The following HTR1D variants were observed in gnomAD, a reference collection of about 807,000 sequenced individuals.
HTR1D encodes 5-hydroxytryptamine receptor 1D, also known as 5-HT-1D.
A neutral mutation model predicts 21.1 loss-of-function variants in HTR1D; 18 were observed. The observed-to-expected ratio is 0.85, with a 90% CI of 0.59 to 1.27. The LOEUF (loss-of-function observed/expected upper bound fraction) is 1.27. HTR1D is among the 50% of genes most tolerant of loss of function. The pLI is 0.00. For missense variants in HTR1D, 456 were observed against 481.4 expected, an observed-to-expected ratio of 0.95 and a Z score of 0.49; for synonymous variants, 196 against 204.4, an observed-to-expected ratio of 0.96 and a Z score of 0.35.
At position 23,202,073 on chromosome 1, in the gene HTR1D, TTTG is replaced by T. The variant is rs371581659; in HGVS notation, c.-782-7075_-782-7073del. On this transcript the variant is annotated intron_variant, in intron 1 of 1. Transcript: ENST00000374619. ...ATTTTTGTTTTATTTTTCGTGGTTTTTTGTTGTTGTTGTTGTTGTTTTGTTTGT... is the reference window on the plus strand; with the variant it reads ...ATTTTTGTTTTATTTTTCGTGGTTTTTTGTTGTTGTTGTTGTTTTGTTTGT... Among the ~76,000 whole-genome samples, 1,268 of 151,974 alleles carry T rather than the reference TTTG, an allele frequency of 8.3e-3. 18 individuals carry two copies. Among genetic ancestry groups the T allele is most frequent in the African/African-American group, 0.028 (1,166 of 41,460 alleles).
At chr1:23,211,478 C>T (rs629107) in intron 1 of HTR1D, among the ~76,000 whole-genome samples, 73,588 of 151,788 alleles carry the variant, frequency 0.48, 18,438 homozygotes, top group African/African-American at 0.61. Context: ...ACAAGTGAAA[C>T]TGAAATTTCA....
At chr1:23,215,056 G>C (rs1188032326) in intron 1 of HTR1D, among the ~76,000 whole-genome samples, 8 of 152,142 alleles carry the variant, frequency 5.3e-5, no homozygotes, top group Non-Finnish European at 1.2e-4. Flanking sequence ...AGTCACAGGG[G>C]CCCAGAGAAG....
intron 1 of HTR1D, among the ~76,000 whole-genome samples, chr1:23,203,398 G>A (rs1293620881): frequency 1.3e-5 from 2 of 152,118 alleles, no homozygotes; most frequent in Non-Finnish European, 2.9e-5. Flanking sequence ...GGTGGCTCAC[G>A]CCTGTAATCC....
chr1:23,202,981 C>A (rs1228414906), intron 1 of HTR1D, among the ~76,000 whole-genome samples: 2 of 151,990 alleles, frequency 1.3e-5, no homozygotes, highest in African/African-American at 4.8e-5. Flanking sequence ...GTGGGGCAAT[C>A]TCGGCTCAAT....
intron 1 of HTR1D, among the ~76,000 whole-genome samples, chr1:23,202,808 C>T (rs1355277645): frequency 6.6e-6 from 1 of 152,162 alleles, no homozygotes; most frequent in East Asian, 1.9e-4. Context: ...CATGGGACCT[C>T]CTACAGCCTC....
chr1:23,212,708 C>CT (rs1422587618), intron 1 of HTR1D, among the ~76,000 whole-genome samples: 1 of 152,160 alleles, frequency 6.6e-6, no homozygotes, highest in Non-Finnish European at 1.5e-5. Context: ...TTTCACCTTT[C>CT]TTTGACCCCT....
Position 23,194,549 on chromosome 1 carries a change from G to A in HTR1D, c.-330C>T, listed in dbSNP as rs112636810. The A allele has an allele frequency of 4.1e-4, 75 of 183,634 alleles. No individual in the cohort carries two copies. The highest frequency in any genetic ancestry group is 1.7e-3 in the African/African-American group (71 of 41,890). The allele number at this position is 183,634 out of a possible 1,614,324, so 11.4% of individuals were successfully genotyped here. ...GTCCTGGAACTTTTCCCAGCAGATG[G>A]TCATGCCCAGGGGACACATGCTGAA... On this transcript the variant is annotated 5_prime_UTR_variant, in exon 2 of 2. Transcript: ENST00000374619.
chr1:23,201,389 G>C (rs1303287711), intron 1 of HTR1D, among the ~76,000 whole-genome samples: 2 of 152,006 alleles, frequency 1.3e-5, no homozygotes, highest in Non-Finnish European at 2.9e-5. Flanking sequence ...AATGAAGGAG[G>C]CTTCCAGGCC....
chr1:23,212,370 T>A lies in HTR1D; in HGVS notation c.-783+4921A>T, dbSNP rs146125200. On this transcript the variant is annotated intron_variant, in intron 1 of 1. Coordinates refer to ENST00000374619, the MANE Select transcript of HTR1D (RefSeq NM_000864.5). Reference sequence around the variant, plus strand: ...TCATGCCATGAAGCCCAGTGCCCTGTGTGTGGGTGCCCATCCCTCTCACTT... The same window carrying A: ...TCATGCCATGAAGCCCAGTGCCCTGAGTGTGGGTGCCCATCCCTCTCACTT... Among the ~76,000 whole-genome samples the A allele has an allele frequency of 4.4e-3, 671 of 152,336 alleles. 7 individuals are homozygous for A. Among genetic ancestry groups the A allele is most frequent in the African/African-American group, 0.015 (610 of 41,578 alleles).
Position 23,194,285 on chromosome 1 carries a change from C to G in HTR1D, c.-66G>C. 3 of 1,450,848 alleles carry G rather than the reference C, an allele frequency of 2.1e-6. No individual in the cohort carries two copies. The Admixed American group carries it at 5.9e-5, about 29-fold the overall frequency. The allele number at this position is 1,450,848 out of a possible 1,614,324, so 89.9% of individuals were successfully genotyped here. On this transcript the variant is annotated 5_prime_UTR_variant, in exon 2 of 2. Transcript: ENST00000374619. ...GCTCCTTCCTTCAAGGTTGTCCTGA[C>G]AACAGAGCAAAGTCATCCTTCTGCT...
intron 1 of HTR1D, among the ~76,000 whole-genome samples, chr1:23,207,341 A>C (rs960075763): frequency 1.3e-5 from 2 of 152,078 alleles, no homozygotes; most frequent in Non-Finnish European, 2.9e-5. Flanking sequence ...CCCAGGAGGC[A>C]GAGGTTGCAG....
intron 1 of HTR1D, among the ~76,000 whole-genome samples, chr1:23,203,304 T>C (rs1644717011): frequency 2.0e-5 from 3 of 152,304 alleles, no homozygotes; most frequent in South Asian, 2.1e-4. Flanking sequence ...AGTTTTAAAA[T>C]CTAATCACTG....
At chr1:23,203,194 C>T (rs561139962) in intron 1 of HTR1D, among the ~76,000 whole-genome samples, 27 of 152,286 alleles carry the variant, frequency 1.8e-4, no homozygotes, top group African/African-American at 3.9e-4. Flanking sequence ...CCACCGCGCC[C>T]GGCCAAATCT....
chr1:23,193,540 C>T lies in HTR1D; in HGVS notation c.680G>A (p.Arg227His), dbSNP rs370958543. The change falls in exon 2 of 2, where the codon CGC becomes CAC. Residue 227 changes from arginine (R) to histidine (H), a missense_variant. Arg to His is a conservative substitution (Grantham distance 29). Coordinates refer to ENST00000374619, the MANE Select transcript of HTR1D (RefSeq NM_000864.5). ...ATAGAGTGAGGGTGGATTCAGGATG[C>T]GGTTCCGGGCAGCCCGGTAGATCCG... ...YGRIYRAARN[R>H]ILNPPSLYGK... The T allele has an allele frequency of 5.4e-4, 876 of 1,613,942 alleles. 14 individuals are homozygous for T. The South Asian group carries it at 9.0e-3, about 17-fold the overall frequency.
chr1:23,201,815 A>C (rs1644710245), intron 1 of HTR1D, among the ~76,000 whole-genome samples: 1 of 151,210 alleles, frequency 6.6e-6, no homozygotes, highest in African/African-American at 2.4e-5. Flanking sequence ...CAGCCTCCCA[A>C]AGTGCTGGGA....
At chr1:23,197,981 G>C (rs1048703997) in intron 1 of HTR1D, among the ~76,000 whole-genome samples, 4 of 151,712 alleles carry the variant, frequency 2.6e-5, no homozygotes. Flanking sequence ...GTTAATAAGA[G>C]TGTGGAGCTT....
intron 1 of HTR1D, among the ~76,000 whole-genome samples, chr1:23,203,455 G>C (rs1006510915): frequency 6.6e-6 from 1 of 152,098 alleles, no homozygotes; most frequent in Non-Finnish European, 1.5e-5. Context: ...CCAGGAGTTT[G>C]AGACCAGCAT....
At chr1:23,210,635 C>T (rs1171275603) in intron 1 of HTR1D, among the ~76,000 whole-genome samples, 1 of 152,024 alleles carries the variant, frequency 6.6e-6, no homozygotes, top group Non-Finnish European at 1.5e-5. Flanking sequence ...GCTCCTTCTA[C>T]TGGCTCCTGC....
intron 1 of HTR1D, among the ~76,000 whole-genome samples, chr1:23,199,122 G>C (rs1028247563): frequency 6.6e-6 from 1 of 151,182 alleles, no homozygotes; most frequent in Non-Finnish European, 1.5e-5. Context: ...CCACCATGCC[G>C]GGCCTTTTTG....
Sources: allele counts gnomAD v4.1 joint callset (sites outside exome capture counted in the v4.1 genomes callset), GRCh38; gene constraint gnomAD v4.1.1; transcripts MANE v1.5; gene names NCBI Gene and HGNC (gene_info 2026-07-23, HGNC 2026-07-21).